The following SULF1 variants were observed in gnomAD, a reference collection of about 807,000 sequenced individuals.
SULF1 encodes sulfatase 1, also known as extracellular sulfatase Sulf-1.
In SULF1, 46 loss-of-function variants were observed where a neutral mutation model predicts 110.5. The ratio of observed to expected loss-of-function variants is 0.42; its 90% CI spans 0.33 to 0.53. The LOEUF is 0.53. Ranked by LOEUF, SULF1 falls within the 20% of genes least tolerant of loss-of-function variation. The probability of loss-of-function intolerance (pLI) is 0.12; values close to 1 mark genes in which losing one functional copy is unlikely to be tolerated. For missense variants in SULF1, 941 were observed against 1,094.2 expected (o/e 0.86, Z 1.98); for synonymous variants, 371 against 387.1 (o/e 0.96, Z 0.49).
chr8:69,518,965 T>C (rs1269597058), intron 3 of SULF1, among the ~76,000 whole-genome samples: 2 of 152,186 alleles, frequency 1.3e-5, no homozygotes, highest in Non-Finnish European at 2.9e-5. Context: ...ACACACTCTA[T>C]CCTCATCTCT....
intron 5 of SULF1, among the ~76,000 whole-genome samples, 165 bp from the exon 6 acceptor site, chr8:69,575,805 A>T (rs760833918): frequency 6.6e-6 from 1 of 152,196 alleles, no homozygotes; most frequent in Non-Finnish European, 1.5e-5. Context: ...AGGATCTCAA[A>T]TGCTTAATTT....
In SULF1 at chr8:69,575,967, C is replaced by T. The variant is rs143556712; in HGVS notation, c.173-3C>T. On this transcript the variant is annotated splice_polypyrimidine_tract_variant and splice_region_variant and intron_variant, in intron 5 of 22. Coordinates refer to ENST00000402687, the MANE Select transcript of SULF1 (RefSeq NM_001128205.2). ...TAAACAATGCTGGCACTGTGCCTTT[C>T]AGGGTCCCTGCAAGTCATGAACAAA... The T allele has an allele frequency of 7.4e-6, 12 of 1,613,462 alleles. No homozygotes were observed. The highest frequency in any genetic ancestry group is 1.3e-5 in the African/African-American group (1 of 75,036).
At chr8:69,560,283 G>A (rs562080983) in intron 3 of SULF1, among the ~76,000 whole-genome samples, 1 of 152,210 alleles carries the variant, frequency 6.6e-6, no homozygotes, top group South Asian at 2.1e-4. Context: ...GGGGTATTGT[G>A]GAACAAACAT....
At chr8:69,651,355 G>A (rs542896310) in intron 22 of SULF1, among the ~76,000 whole-genome samples, 415 of 152,042 alleles carry the variant, frequency 2.7e-3, no homozygotes, top group African/African-American at 9.6e-3. Flanking sequence ...GCCCAGCCTC[G>A]ACATCTATTG....
intron 1 of SULF1, among the ~76,000 whole-genome samples, chr8:69,469,839 C>G (rs1216335921): frequency 6.6e-6 from 1 of 152,158 alleles, no homozygotes; most frequent in African/African-American, 2.4e-5. Context: ...ATCAGGAGTT[C>G]AAGTCCAGCC....
intron 14 of SULF1, among the ~76,000 whole-genome samples, chr8:69,622,063 G>A (rs1016917798): frequency 3.3e-5 from 5 of 152,208 alleles, no homozygotes; most frequent in African/African-American, 1.2e-4. Flanking sequence ...TTTTATTGTA[G>A]ACTCCACAAT....
intron 8 of SULF1, 144 bp downstream of exon 8, chr8:69,589,285 C>T (rs1018149508): frequency 4.3e-5 from 36 of 828,744 alleles, no homozygotes; most frequent in Non-Finnish European, 5.5e-5. Flanking sequence ...GAGCAGACCA[C>T]GGAACAGGCA....
At chr8:69,581,128 A>G (rs1310105245) in intron 6 of SULF1, among the ~76,000 whole-genome samples, 6 of 152,198 alleles carry the variant, frequency 3.9e-5, no homozygotes, top group Admixed American at 2.6e-4. Context: ...TAGACTTACA[A>G]TCTAGTTGAG....
chr8:69,654,218 C>G (rs1184829754), intron 22 of SULF1, among the ~76,000 whole-genome samples: 1 of 152,190 alleles, frequency 6.6e-6, no homozygotes, highest in Non-Finnish European at 1.5e-5. Context: ...ATTCCTTCAG[C>G]CTCAGTTACT....
chr8:69,557,173 T>C (rs539827551), intron 3 of SULF1, among the ~76,000 whole-genome samples: 1 of 152,240 alleles, frequency 6.6e-6, no homozygotes, highest in Admixed American at 6.5e-5. Flanking sequence ...CCTCTTCTTT[T>C]GGAAATCCAG....
intron 3 of SULF1, among the ~76,000 whole-genome samples, chr8:69,518,515 T>C (rs1812083148): frequency 6.6e-6 from 1 of 152,176 alleles, no homozygotes; most frequent in Non-Finnish European, 1.5e-5. Context: ...TTATAGAATA[T>C]TGGGTTTTGT....
chr8:69,516,479 G>A (rs1057097319), intron 3 of SULF1, among the ~76,000 whole-genome samples: 1 of 152,136 alleles, frequency 6.6e-6, no homozygotes, highest in Non-Finnish European at 1.5e-5. Flanking sequence ...CCGCCTACCA[G>A]GCCCCAGCTC....
At chr8:69,564,621 G>C (rs1815734378) in intron 5 of SULF1, among the ~76,000 whole-genome samples, 1 of 152,224 alleles carries the variant, frequency 6.6e-6, no homozygotes, top group African/African-American at 2.4e-5. Context: ...CAAAGTTGCA[G>C]TGTTCTATAT....
At chr8:69,508,980 GA>G (rs1414943804) in intron 3 of SULF1, among the ~76,000 whole-genome samples, 1 of 152,176 alleles carries the variant, frequency 6.6e-6, no homozygotes, top group Non-Finnish European at 1.5e-5. Context: ...ACACTGTGCT[GA>G]GAGTCAAGAT....
At chr8:69,618,741 A>G (rs898006705) in intron 13 of SULF1, among the ~76,000 whole-genome samples, 1 of 152,264 alleles carries the variant, frequency 6.6e-6, no homozygotes, top group African/African-American at 2.4e-5. Context: ...AAGCAAAATC[A>G]TAGAAGAAGT....
chr8:69,595,953 T>C (rs1007768058), intron 8 of SULF1, among the ~76,000 whole-genome samples: 21 of 152,218 alleles, frequency 1.4e-4, no homozygotes, highest in Non-Finnish European at 2.8e-4. Flanking sequence ...GGTAACATTA[T>C]TGATTTTTAG....
At chr8:69,498,130 C>G (rs1184437133) in intron 2 of SULF1, among the ~76,000 whole-genome samples, 2 of 151,674 alleles carry the variant, frequency 1.3e-5, no homozygotes, top group East Asian at 3.9e-4. Flanking sequence ...CACACACACA[C>G]ACACACACAC....
chr8:69,634,187 G>A (rs1008716577), intron 19 of SULF1, among the ~76,000 whole-genome samples: 1 of 152,050 alleles, frequency 6.6e-6, no homozygotes, highest in African/African-American at 2.4e-5. Context: ...TTTCCCCACA[G>A]CTACCCCTTC....
chr8:69,614,195 A>T (rs1437563221), intron 13 of SULF1, among the ~76,000 whole-genome samples: 1 of 152,222 alleles, frequency 6.6e-6, no homozygotes, highest in Non-Finnish European at 1.5e-5. Context: ...GCAAAGGCTA[A>T]TGTGGCATAG....
Sources: allele counts gnomAD v4.1 joint callset (sites outside exome capture counted in the v4.1 genomes callset), GRCh38; gene constraint gnomAD v4.1.1; transcripts MANE v1.5; gene names NCBI Gene and HGNC (gene_info 2026-07-23, HGNC 2026-07-21).